STAG2: variants seen among roughly 807,000 people sequenced by gnomAD.
STAG2 encodes the protein STAG2 cohesin complex component, also known as cohesin subunit SA-2.
In STAG2, 14 loss-of-function variants were observed where a neutral mutation model predicts 108.1. The ratio of observed to expected loss-of-function variants is 0.13; its 90% confidence interval spans 0.09 to 0.20. The LOEUF is 0.20. STAG2 is among the 10% of genes least tolerant of loss of function. The pLI, the probability that STAG2 is intolerant of heterozygous loss-of-function variation, is 1.00. For missense variants in STAG2, 440 were observed against 940.9 expected, an observed-to-expected ratio of 0.47 and a Z score of 6.96; for synonymous variants, 307 against 302.7, an observed-to-expected ratio of 1.01 and a Z score of -0.15.
chrX:123,974,798 C>G (rs761041952), intron 1 of STAG2, among the ~76,000 whole-genome samples: 2 of 105,633 alleles, frequency 1.9e-5, no homozygotes, highest in East Asian at 3.1e-4. Context: ...AGGCTGGTCT[C>G]GAACTCCTGA....
intron 25 of STAG2, among the ~76,000 whole-genome samples, chrX:124,072,655 G>T (rs1341687106): frequency 9.3e-6 from 1 of 107,969 alleles, no homozygotes; most frequent in Non-Finnish European, 1.9e-5. Flanking sequence ...ATTAAATTCA[G>T]GATGAAAAGA....
intron 4 of STAG2, among the ~76,000 whole-genome samples, chrX:124,029,455 C>T (rs1347357337): frequency 1.8e-5 from 2 of 110,555 alleles, no homozygotes; most frequent in Admixed American, 9.7e-5. Context: ...GGACTATAGG[C>T]GTATGCCGCC....
At chrX:124,028,822 A>ATATATATATATATATATT (rs1296806013) in intron 4 of STAG2, among the ~76,000 whole-genome samples, 1 of 38,986 alleles carries the variant, frequency 2.6e-5, no homozygotes, top group African/African-American at 1.1e-4. Context: ...ATATATATAT[A>ATATATATATATATATATT]TTTTTTTTTT....
At chrX:124,058,971 C>T (rs925978535) in intron 15 of STAG2, among the ~76,000 whole-genome samples, 1 of 111,569 alleles carries the variant, frequency 9.0e-6, no homozygotes, top group African/African-American at 3.3e-5. Context: ...TCCTCTCCAA[C>T]ATTTTTTTTT....
chrX:123,986,181 A>G (rs954415904), intron 1 of STAG2, among the ~76,000 whole-genome samples: 3 of 107,355 alleles, frequency 2.8e-5, no homozygotes, highest in Non-Finnish European at 5.7e-5. Flanking sequence ...TGATACATAT[A>G]TGATATATAA....
intron 5 of STAG2, among the ~76,000 whole-genome samples, chrX:124,032,554 A>G (rs780582362): frequency 5.5e-4 from 61 of 110,886 alleles, no homozygotes; most frequent in African/African-American, 1.8e-3. Flanking sequence ...CTAGGAAGTG[A>G]GGGTAGTATC....
intron 1 of STAG2, among the ~76,000 whole-genome samples, chrX:123,972,918 G>C (rs1021773855): frequency 9.9e-6 from 1 of 100,604 alleles, no homozygotes; most frequent in African/African-American, 3.7e-5. Context: ...GCGTGGTGGC[G>C]CTCACCTGTG....
chrX:124,061,920 T>C (rs2148313260), intron 17 of STAG2, 46 bp downstream of exon 17: 1 of 936,728 alleles, frequency 1.1e-6, no homozygotes, highest in Non-Finnish European at 1.5e-6. Context: ...CCATTTCTCC[T>C]TTTTCAGTAT....
intron 32 of STAG2, among the ~76,000 whole-genome samples, chrX:124,093,415 TGC>T (rs2059302809): frequency 9.1e-6 from 1 of 109,605 alleles, no homozygotes; most frequent in African/African-American, 3.3e-5. Flanking sequence ...TATCTCTGTT[TGC>T]CATGGTAGAC....
At chrX:124,065,314 A>G (rs2058492812) in intron 20 of STAG2, among the ~76,000 whole-genome samples, 1 of 112,026 alleles carries the variant, frequency 8.9e-6, no homozygotes, top group Admixed American at 9.5e-5. Context: ...AGATTGAGTA[A>G]TGTGTAAGCA....
At chrX:123,973,576 G>A (rs992924392) in intron 1 of STAG2, among the ~76,000 whole-genome samples, 34 of 102,430 alleles carry the variant, frequency 3.3e-4, no homozygotes, top group African/African-American at 1.1e-3. Flanking sequence ...TGGGCGCGGT[G>A]GCTCACACCT....
chrX:123,996,475 A>G (rs1478106568), intron 1 of STAG2, among the ~76,000 whole-genome samples: 1 of 111,941 alleles, frequency 8.9e-6, no homozygotes, highest in Non-Finnish European at 1.9e-5. Flanking sequence ...TCTAACCATC[A>G]CTACAATTAA....
intron 1 of STAG2, among the ~76,000 whole-genome samples, chrX:124,002,556 C>T (rs763889264): frequency 9.0e-6 from 1 of 111,204 alleles, no homozygotes; most frequent in Non-Finnish European, 1.9e-5. Flanking sequence ...AGGTTTTCAC[C>T]TTATGAGTAG....
chrX:124,043,760 ATTAGT>A (rs1257789215), intron 7 of STAG2, among the ~76,000 whole-genome samples: 1 of 111,612 alleles, frequency 9.0e-6, no homozygotes, highest in Non-Finnish European at 1.9e-5. Flanking sequence ...AAGATTACAT[ATTAGT>A]TTAGACTGAG....
intron 5 of STAG2, among the ~76,000 whole-genome samples, chrX:124,033,597 A>G (rs745731480): frequency 3.6e-5 from 4 of 111,007 alleles, no homozygotes; most frequent in African/African-American, 1.3e-4. Flanking sequence ...CCCAGTCTCT[A>G]CTAAAAATAA....
chrX:124,034,476 A>G (rs1193834404), intron 5 of STAG2, among the ~76,000 whole-genome samples: 3 of 112,231 alleles, frequency 2.7e-5, no homozygotes, highest in Non-Finnish European at 3.8e-5. Context: ...AATTTGATGG[A>G]GGAAGTCCTC....
chrX:124,034,875 GTTGTTA>G (rs199555123), intron 5 of STAG2, among the ~76,000 whole-genome samples: 14,796 of 99,633 alleles, frequency 0.15, 1,113 homozygotes, highest in South Asian at 0.32. Context: ...TGTTGTTGTT[GTTGTTA>G]TTATTATTAT....
chrX:123,998,587 CATCTATCTATCTATCT>C (rs61659958), intron 1 of STAG2, among the ~76,000 whole-genome samples: 140 of 88,396 alleles, frequency 1.6e-3, no homozygotes, highest in East Asian at 0.011. Context: ...TCTGTCTATC[CATCTATCTATCTATCT>C]ATCTATCTAT....
chrX:124,085,773 C>CAA (rs35882500), intron 29 of STAG2, among the ~76,000 whole-genome samples: 40 of 42,076 alleles, frequency 9.5e-4, no homozygotes, highest in African/African-American at 2.5e-3. Flanking sequence ...GACTGTGTCT[C>CAA]AAAAAAAAAA....
Sources: allele counts gnomAD v4.1 joint callset (sites outside exome capture counted in the v4.1 genomes callset), GRCh38; gene constraint gnomAD v4.1.1; transcripts MANE v1.5; gene names NCBI Gene and HGNC (gene_info 2026-07-23, HGNC 2026-07-21).